Variants in HS3ST3A1 observed in about 807,000 individuals in gnomAD.
HS3ST3A1 encodes heparan sulfate-glucosamine 3-sulfotransferase 3A1.
Under a neutral mutation model 25.7 loss-of-function variants are expected in HS3ST3A1, and 19 were observed. The ratio of observed to expected loss-of-function variants is 0.74; its 90% CI spans 0.52 to 1.08. HS3ST3A1 has a LOEUF of 1.08. HS3ST3A1 is among the 50% of genes least tolerant of loss of function. The probability of loss-of-function intolerance (pLI) is 0.00; values close to 1 mark genes in which losing one functional copy is unlikely to be tolerated. For missense variants in HS3ST3A1, 459 were observed against 594.3 expected (o/e 0.77, Z 2.37); for synonymous variants, 226 against 278.6 (o/e 0.81, Z 1.88).
chr17:13,572,332 T>C (rs368289151), intron 1 of HS3ST3A1, among the ~76,000 whole-genome samples: 65 of 152,236 alleles, frequency 4.3e-4, no homozygotes, highest in Admixed American at 1.0e-3. Context: ...AGGTGCAGGA[T>C]CAAAGGTTGG....
Position 13,600,727 on chromosome 17 carries a change from C to T in HS3ST3A1, c.403G>A (p.Glu135Lys), listed in dbSNP as rs770713623. Residue 135 changes from glutamate to lysine, a missense_variant, in exon 1 of 2, where the codon GAG becomes AAG. Coordinates refer to ENST00000284110, the MANE Select transcript of HS3ST3A1 (RefSeq NM_006042.3). ...AGCGCCAGGGTCCCCGGCGGGGCCT[C>T]GGCCACGGTGCTTCCGGCCCCGGAG... Reference protein sequence around the residue: ...GGSGAGSTVAEAPPGTLALLL... With the variant: ...GGSGAGSTVAKAPPGTLALLL... The T allele has an allele frequency of 8.4e-6, 13 of 1,544,846 alleles. No individual in the cohort carries two copies. The African/African-American group carries it at 1.8e-4, about 21-fold the overall frequency.
chr17:13,508,844 C>T (rs1297162415), intron 1 of HS3ST3A1, among the ~76,000 whole-genome samples: 1 of 152,176 alleles, frequency 6.6e-6, no homozygotes, highest in Non-Finnish European at 1.5e-5. Flanking sequence ...CAGAAACCAC[C>T]TGGGAAAGGT....
chr17:13,599,130 A>C (rs528436836), intron 1 of HS3ST3A1, among the ~76,000 whole-genome samples: 4 of 152,358 alleles, frequency 2.6e-5, no homozygotes, highest in Non-Finnish European at 5.9e-5. Context: ...CATTTTTATA[A>C]GAACTTCCCA....
At chr17:13,536,728 C>T (rs756835423) in intron 1 of HS3ST3A1, among the ~76,000 whole-genome samples, 1 of 152,208 alleles carries the variant, frequency 6.6e-6, no homozygotes, top group Non-Finnish European at 1.5e-5. Context: ...AGGTTAGGCT[C>T]TCTGGGCATG....
At chr17:13,567,339 T>C (rs920772258) in intron 1 of HS3ST3A1, among the ~76,000 whole-genome samples, 1 of 152,238 alleles carries the variant, frequency 6.6e-6, no homozygotes, top group Non-Finnish European at 1.5e-5. Flanking sequence ...CATCTGGTTA[T>C]CTAAGATCTC....
At chr17:13,520,200 A>G (rs1434580243) in intron 1 of HS3ST3A1, among the ~76,000 whole-genome samples, 1 of 152,184 alleles carries the variant, frequency 6.6e-6, no homozygotes, top group Non-Finnish European at 1.5e-5. Flanking sequence ...TGTTATTGCT[A>G]TTGACACTCT....
Position 13,527,621 on chromosome 17 carries a change from C to T in HS3ST3A1, c.600-30803G>A, listed in dbSNP as rs377080561. On this transcript the variant is annotated intron_variant, in intron 1 of 1. Transcript: ENST00000284110. ...CCAAGAGCCCAGGTCTTTGGAAATG[C>T]GTCTAAGATAACCCCACAGCCCAGC... Among the ~76,000 whole-genome samples the T allele has an allele frequency of 2.6e-5, 4 of 152,250 alleles. No homozygotes were observed. The East Asian group carries it at 5.8e-4, about 22-fold the overall frequency.
intron 1 of HS3ST3A1, among the ~76,000 whole-genome samples, chr17:13,593,625 A>G (rs183772666): frequency 6.6e-6 from 1 of 152,330 alleles, no homozygotes; most frequent in Non-Finnish European, 1.5e-5. Flanking sequence ...GGAATAAAAG[A>G]GAATCGGCAC....
chr17:13,598,690 A>T (rs1462689687), intron 1 of HS3ST3A1, among the ~76,000 whole-genome samples: 5 of 151,452 alleles, frequency 3.3e-5, no homozygotes, highest in South Asian at 4.2e-4. Context: ...TCTTTTTTTT[A>T]AAAAACTACT....
intron 1 of HS3ST3A1, among the ~76,000 whole-genome samples, chr17:13,501,188 G>A (rs1238760744): frequency 2.0e-5 from 3 of 151,978 alleles, no homozygotes; most frequent in South Asian, 4.2e-4. Context: ...GATCGATCAC[G>A]TAACAACGTG....
In HS3ST3A1 at chr17:13,600,863, G is replaced by T; in HGVS notation, c.267C>A (p.Arg89=). The T allele has an allele frequency of 6.9e-7, 1 of 1,449,466 alleles. No homozygotes were observed. Among genetic ancestry groups the T allele is most frequent in the Non-Finnish European group, 9.0e-7 (1 of 1,110,906 alleles). 89.8% of individuals were successfully genotyped at this position (1,449,466 alleles called of 1,614,324 possible). The change falls in exon 1 of 2, where the codon CGC becomes CGA. Residue 89 remains arginine, a synonymous_variant. Transcript: ENST00000284110. The part of the protein sequence containing the change: ...AVWPAAAQRK[R]LLQLPQWRRR... ...TCCGCCACTGCGGCAGTTGCAGGAG[G>T]CGCTTTCTCTGTGCCGCCGCCGGCC...
intron 1 of HS3ST3A1, among the ~76,000 whole-genome samples, chr17:13,554,504 T>C (rs1354434423): frequency 6.6e-6 from 1 of 152,214 alleles, no homozygotes; most frequent in Non-Finnish European, 1.5e-5. Context: ...CGCTAGGCCC[T>C]GTGCGGTGCT....
chr17:13,548,323 A>T (rs537434729), intron 1 of HS3ST3A1, among the ~76,000 whole-genome samples: 3 of 152,160 alleles, frequency 2.0e-5, no homozygotes, highest in African/African-American at 7.2e-5. Context: ...AGTCAGAGAA[A>T]CCCCTGGTCT....
At chr17:13,504,223 A>G (rs1483923233) in intron 1 of HS3ST3A1, among the ~76,000 whole-genome samples, 1 of 152,178 alleles carries the variant, frequency 6.6e-6, no homozygotes, top group Non-Finnish European at 1.5e-5. Flanking sequence ...AGGCTGAGTC[A>G]GGAGAATAAC....
chr17:13,533,545 T>G (rs1906678995), intron 1 of HS3ST3A1, among the ~76,000 whole-genome samples: 1 of 140,012 alleles, frequency 7.1e-6, no homozygotes, highest in Admixed American at 7.4e-5. Context: ...CAACTCTGTA[T>G]CTGTCATTTG....
At chr17:13,522,892 C>A (rs1365519399) in intron 1 of HS3ST3A1, among the ~76,000 whole-genome samples, 1 of 146,044 alleles carries the variant, frequency 6.8e-6, no homozygotes, top group Non-Finnish European at 1.5e-5. Flanking sequence ...AAAGCAAGTA[C>A]AAAAGATAAC....
At chr17:13,567,972 T>TA in intron 1 of HS3ST3A1, among the ~76,000 whole-genome samples, 1 of 152,238 alleles carries the variant, frequency 6.6e-6, no homozygotes, top group South Asian at 2.1e-4. Flanking sequence ...CGACTGGAGG[T>TA]AAAATGCTAT....
At chr17:13,524,760 C>A (rs1178872047) in intron 1 of HS3ST3A1, among the ~76,000 whole-genome samples, 1 of 152,076 alleles carries the variant, frequency 6.6e-6, no homozygotes, top group Non-Finnish European at 1.5e-5. Context: ...GTGAAGGGTA[C>A]ATAGGAACTT....
At chr17:13,513,025 G>A (rs570307964) in intron 1 of HS3ST3A1, among the ~76,000 whole-genome samples, 7 of 152,150 alleles carry the variant, frequency 4.6e-5, no homozygotes, top group Admixed American at 1.3e-4. Context: ...TTATTAGCTT[G>A]ATTCATAACT....
Sources: gnomAD v4.1 joint callset for allele counts (sites outside exome capture counted in the v4.1 genomes callset) on GRCh38, gnomAD v4.1.1 for gene constraint, MANE v1.5 for transcripts, NCBI Gene and HGNC (gene_info 2026-07-23, HGNC 2026-07-21) for gene names.